SPON1: variants seen among roughly 807,000 people sequenced by gnomAD.
The protein encoded by SPON1 is spondin-1.
SPON1 carries 52 observed loss-of-function variants against 111.7 expected under a neutral mutation model. The ratio of observed to expected loss-of-function variants is 0.47; its 90% CI spans 0.37 to 0.59. The LOEUF (loss-of-function observed/expected upper bound fraction) is 0.59. SPON1 is among the 20% of genes least tolerant of loss of function. The probability of loss-of-function intolerance (pLI) is 0.00; values close to 1 mark genes in which losing one functional copy is unlikely to be tolerated. For missense variants in SPON1, 957 were observed against 1,068.5 expected (o/e 0.90, Z 1.46); for synonymous variants, 410 against 395.8 (o/e 1.04, Z -0.43).
At chr11:14,060,365 A>G (rs1413040028) in intron 3 of SPON1, among the ~76,000 whole-genome samples, 3 of 152,212 alleles carry the variant, frequency 2.0e-5, no homozygotes, top group African/African-American at 4.8e-5. Flanking sequence ...TCCTTGACAA[A>G]TGGAAGGCAG....
At chr11:14,197,801 C>A (rs181841769) in intron 6 of SPON1, among the ~76,000 whole-genome samples, 1 of 151,996 alleles carries the variant, frequency 6.6e-6, no homozygotes, top group Admixed American at 6.6e-5. Flanking sequence ...GGTGACAGAG[C>A]GAGACTTCCA....
intron 6 of SPON1, among the ~76,000 whole-genome samples, chr11:14,178,415 C>A (rs1848203150): frequency 8.1e-6 from 1 of 122,962 alleles, no homozygotes; most frequent in African/African-American, 3.1e-5. Flanking sequence ...AAGCGAGACT[C>A]CGTCTCAAAA....
chr11:14,250,149 A>C (rs1849036916), intron 7 of SPON1, among the ~76,000 whole-genome samples: 1 of 152,142 alleles, frequency 6.6e-6, no homozygotes, highest in Non-Finnish European at 1.5e-5. Context: ...TGTCAGTCAC[A>C]CTCAATGGAG....
At chr11:14,187,526 C>T (rs116377347) in intron 6 of SPON1, among the ~76,000 whole-genome samples, 57 of 152,254 alleles carry the variant, frequency 3.7e-4, no homozygotes, top group Middle Eastern at 3.4e-3. Context: ...GCCATCCTGC[C>T]GCAAATCCTT....
At chr11:14,039,832 A>G (rs1477407619) in intron 2 of SPON1, among the ~76,000 whole-genome samples, 1 of 152,212 alleles carries the variant, frequency 6.6e-6, no homozygotes, top group Non-Finnish European at 1.5e-5. Flanking sequence ...TGAGGTATTC[A>G]TGTCTAGAAA....
chr11:14,125,380 G>C (rs1356532543), intron 5 of SPON1, among the ~76,000 whole-genome samples: 2 of 152,206 alleles, frequency 1.3e-5, no homozygotes, highest in Non-Finnish European at 2.9e-5. Flanking sequence ...TTTTTCAGAA[G>C]AGTTAAGTGA....
intron 6 of SPON1, among the ~76,000 whole-genome samples, chr11:14,178,809 GGTAA>G (rs5789826): frequency 0.45 from 67,639 of 151,564 alleles, 15,206 homozygotes; most frequent in East Asian, 0.54. Flanking sequence ...CTGCTATTAT[GGTAA>G]GTGTCGGATT....
chr11:14,163,166 C>T (rs1005891374), intron 6 of SPON1, among the ~76,000 whole-genome samples: 2 of 152,142 alleles, frequency 1.3e-5, no homozygotes, highest in East Asian at 1.9e-4. Flanking sequence ...TTAACAAATA[C>T]CAGACTTCTA....
chr11:14,193,163 A>G (rs1002156486), intron 6 of SPON1, among the ~76,000 whole-genome samples: 31 of 152,364 alleles, frequency 2.0e-4, no homozygotes, highest in African/African-American at 3.6e-4. Flanking sequence ...AATTATTTCA[A>G]TGGTGCCAAG....
intron 1 of SPON1, 60 bp from the exon 2 acceptor site, chr11:13,982,787 T>A: frequency 8.3e-7 from 1 of 1,203,940 alleles, no homozygotes; most frequent in Non-Finnish European, 1.2e-6. Flanking sequence ...TCTATCCCAT[T>A]TGACAAATGG....
chr11:14,160,955 A>ATATATATT (rs1274629781), intron 6 of SPON1, among the ~76,000 whole-genome samples: 1 of 46,792 alleles, frequency 2.1e-5, no homozygotes, highest in African/African-American at 8.4e-5. Context: ...TTATATATTT[A>ATATATATT]TATATATTTA....
At chr11:13,973,980 A>G (rs1554908871) in intron 1 of SPON1, among the ~76,000 whole-genome samples, 1 of 152,232 alleles carries the variant, frequency 6.6e-6, no homozygotes, top group Non-Finnish European at 1.5e-5. Context: ...AAGGCCATCC[A>G]GGGGAACAGC....
rs556846421 is a variant in SPON1 at position 13,985,319 on chromosome 11, G to A, written c.345+2366G>A. Among the ~76,000 whole-genome samples the A allele has an allele frequency of 1.6e-4, 24 of 152,302 alleles. No homozygotes were observed. The South Asian group carries it at 2.3e-3, about 14-fold the overall frequency. The stretch of plus-strand genomic sequence containing the variant: ...ATGAAAATGCCTAGCATATGATAAC[G>A]ACAATAGCTAACACTTAAACAGTGC... On this transcript the variant is annotated intron_variant, in intron 2 of 15. Coordinates refer to ENST00000576479, the MANE Select transcript of SPON1 (RefSeq NM_006108.4).
chr11:13,986,079 G>C (rs1214857427), intron 2 of SPON1, among the ~76,000 whole-genome samples: 1 of 152,152 alleles, frequency 6.6e-6, no homozygotes, highest in Non-Finnish European at 1.5e-5. Context: ...GTGCCTGCTG[G>C]GTGCTAGGCA....
At chr11:14,101,533 C>CT (rs1849144238) in intron 5 of SPON1, among the ~76,000 whole-genome samples, 1 of 152,042 alleles carries the variant, frequency 6.6e-6, no homozygotes, top group South Asian at 2.1e-4. Context: ...TCCCCTCCTC[C>CT]TTTTTTCTCT....
At chr11:14,223,191 C>A (rs1848700061) in intron 6 of SPON1, among the ~76,000 whole-genome samples, 1 of 152,132 alleles carries the variant, frequency 6.6e-6, no homozygotes, top group African/African-American at 2.4e-5. Context: ...ATGGTGAAAC[C>A]CCTTCTCTAC....
chr11:14,160,971 A>ATATATG (rs1554931138), intron 6 of SPON1, among the ~76,000 whole-genome samples: 35 of 36,962 alleles, frequency 9.5e-4, no homozygotes, highest in African/African-American at 3.2e-3. Flanking sequence ...ATTTATATAT[A>ATATATG]TTTTTATATA....
intron 5 of SPON1, among the ~76,000 whole-genome samples, chr11:14,134,044 T>TTC (rs1295732604): frequency 6.8e-6 from 1 of 147,696 alleles, no homozygotes; most frequent in Non-Finnish European, 1.5e-5. Context: ...CTTTCTTTCT[T>TTC]TTTTTTTTTT....
intron 5 of SPON1, among the ~76,000 whole-genome samples, chr11:14,126,558 G>T (rs1847461409): frequency 6.6e-6 from 1 of 152,060 alleles, no homozygotes; most frequent in Non-Finnish European, 1.5e-5. Context: ...CCACCTCTGG[G>T]CCTCATCTAA....
Sources: gnomAD v4.1 joint callset for allele counts (sites outside exome capture counted in the v4.1 genomes callset) on GRCh38, gnomAD v4.1.1 for gene constraint, MANE v1.5 for transcripts, NCBI Gene and HGNC (gene_info 2026-07-23, HGNC 2026-07-21) for gene names.